ZNF141: variants seen among roughly 807,000 people sequenced by gnomAD.
The protein encoded by ZNF141 is zinc finger protein 141.
A neutral mutation model predicts 11.3 loss-of-function variants in ZNF141; 7 were observed. That is an observed-to-expected ratio of 0.62 (90% confidence interval 0.35 to 1.16). ZNF141 has a LOEUF of 1.16. Ranked by LOEUF, ZNF141 falls within the 50% of genes most tolerant of loss-of-function variation. The pLI, the probability that ZNF141 is intolerant of heterozygous loss-of-function variation, is 0.02. For missense variants in ZNF141, 535 were observed against 554.0 expected (o/e 0.97, Z 0.34); for synonymous variants, 183 against 190.7 (o/e 0.96, Z 0.33).
At chr4:338,434 T>C (rs750598903) in intron 1 of ZNF141, 80 of 165,724 alleles carry the variant, frequency 4.8e-4, no homozygotes, top group Non-Finnish European at 9.7e-4. Context: ...GTTTGGGGGC[T>C]GCCAGCGGGT....
chr4:357,428 A>T (rs1721895476), intron 3 of ZNF141, among the ~76,000 whole-genome samples: 1 of 151,952 alleles, frequency 6.6e-6, no homozygotes, highest in Non-Finnish European at 1.5e-5. Flanking sequence ...CAAAAAAAAA[A>T]AAAAAAGAAT....
chr4:369,914 A>G (rs968530943), intron 3 of ZNF141, among the ~76,000 whole-genome samples: 3 of 150,376 alleles, frequency 2.0e-5, no homozygotes, highest in African/African-American at 7.3e-5. Flanking sequence ...CTACAGGCAC[A>G]CGCCACCATG....
intron 3 of ZNF141, among the ~76,000 whole-genome samples, chr4:368,853 G>T (rs1553853183): frequency 6.6e-6 from 1 of 152,062 alleles, no homozygotes; most frequent in African/African-American, 2.4e-5. Flanking sequence ...GTGCTTCATT[G>T]TTTCTTGAAA....
At chr4:349,526 G>A (rs1721492291) in intron 3 of ZNF141, among the ~76,000 whole-genome samples, 1 of 152,056 alleles carries the variant, frequency 6.6e-6, no homozygotes, top group African/African-American at 2.4e-5. Flanking sequence ...CTGGAGGCAG[G>A]CCTGCAAGTC....
rs34509477 is a variant in ZNF141 at position 369,764 on chromosome 4, A to ATTTTTTT, written c.227-2886_227-2880dup. On this transcript the variant is annotated intron_variant, in intron 3 of 3. Coordinates refer to ENST00000240499, the MANE Select transcript of ZNF141 (RefSeq NM_003441.4). ...TATATATATATATATATATATATAT[A>ATTTTTTT]TTTTTTTTTTTTTTTTTTTTGAGAG... Among the ~76,000 whole-genome samples the ATTTTTTT allele has an allele frequency of 1.8e-4, 9 of 48,724 alleles. 1 individual carries two copies. The highest frequency in any genetic ancestry group is 1.4e-3 in the African/African-American group (8 of 5,882). 32.0% of individuals were successfully genotyped at this position (48,724 alleles called of 152,430 possible). A position where few individuals can be genotyped will look rare whatever the true frequency, so the allele number is the denominator to read the frequency against.
Position 343,814 on chromosome 4 carries a change from A to G in ZNF141, c.36A>G (p.Glu12=). 1 of 1,604,300 alleles carries G rather than the reference A, an allele frequency of 6.2e-7. No individual in the cohort carries two copies. Among genetic ancestry groups the G allele is most frequent in the Non-Finnish European group, 8.5e-7 (1 of 1,177,740 alleles). Residue 12 remains glutamate, a synonymous_variant, in exon 2 of 4, where the codon GAA becomes GAG. Coordinates refer to ENST00000240499, the MANE Select transcript of ZNF141 (RefSeq NM_003441.4). ...ELLTFRDVAI[E]FSPEEWKCLD... ...TAACATTCAGGGATGTGGCCATAGA[A>G]TTCTCTCCAGAAGAGTGGAAATGCC...
In ZNF141 at chr4:373,521, A is replaced by G; in HGVS notation, c.1084A>G (p.Thr362Ala). 1 of 1,613,998 alleles carries G rather than the reference A, an allele frequency of 6.2e-7. No individual in the cohort carries two copies. Among genetic ancestry groups the G allele is most frequent in the Non-Finnish European group, 8.5e-7 (1 of 1,179,928 alleles). The change falls in exon 4 of 4, where the codon ACT becomes GCT. Residue 362 changes from threonine to alanine, a missense_variant. Coordinates refer to ENST00000240499, the MANE Select transcript of ZNF141 (RefSeq NM_003441.4). ...SKLNEHKKVH[T>A]GERPYKCDEC... is the part of the protein sequence containing the mutation. ...ACTGAATGAACATAAGAAAGTTCAT[A>G]CTGGAGAGCGGCCCTACAAATGTGA...
intron 3 of ZNF141, among the ~76,000 whole-genome samples, chr4:357,580 AC>A (rs1483565056): frequency 6.6e-6 from 1 of 152,216 alleles, no homozygotes; most frequent in African/African-American, 2.4e-5. Context: ...AAGACATTAT[AC>A]CTTTACACAA....
chr4:344,498 T>G, intron 3 of ZNF141, 68 bp downstream of exon 3: 1 of 1,437,910 alleles, frequency 7.0e-7, no homozygotes, highest in African/African-American at 1.4e-5. Flanking sequence ...AAGCCAGGCC[T>G]TAAAATGTGG....
chr4:355,105 C>T (rs1274442382), intron 3 of ZNF141, among the ~76,000 whole-genome samples: 2 of 151,066 alleles, frequency 1.3e-5, no homozygotes, highest in African/African-American at 2.4e-5. Context: ...TATTTTTAAT[C>T]GTTATATTCT....
chr4:346,894 C>CACACACACACACACACA (rs1553849669), intron 3 of ZNF141, among the ~76,000 whole-genome samples: 2 of 81,406 alleles, frequency 2.5e-5, no homozygotes, highest in South Asian at 7.3e-4. Flanking sequence ...CACACACACA[C>CACACACACACACACACA]CGCCCCCCCC....
intron 3 of ZNF141, among the ~76,000 whole-genome samples, chr4:369,764 A>ATATATATTT: frequency 2.1e-4 from 10 of 48,724 alleles, no homozygotes; most frequent in African/African-American, 1.5e-3. Context: ...ATATATATAT[A>ATATATATTT]TTTTTTTTTT....
intron 3 of ZNF141, 91 bp downstream of exon 3, chr4:344,521 T>G: frequency 9.1e-7 from 1 of 1,104,744 alleles, no homozygotes; most frequent in Non-Finnish European, 1.3e-6. Context: ...TGGGGCCGGG[T>G]GCAGTGGCTC....
intron 3 of ZNF141, among the ~76,000 whole-genome samples, chr4:367,053 G>A (rs1183248254): frequency 2.0e-5 from 3 of 152,192 alleles, no homozygotes; most frequent in African/African-American, 7.2e-5. Context: ...TAGATCATAT[G>A]TACCTCAATA....
intron 3 of ZNF141, among the ~76,000 whole-genome samples, chr4:367,954 G>A (rs1182226778): frequency 2.0e-5 from 3 of 151,930 alleles, no homozygotes; most frequent in African/African-American, 2.4e-5. Flanking sequence ...ATATTATATC[G>A]ATATTCTTAT....
rs539571715 is a variant in ZNF141, at chr4:362,553, G to C, written c.227-10111G>C. On this transcript the variant is annotated intron_variant, in intron 3 of 3. Coordinates refer to ENST00000240499, the MANE Select transcript of ZNF141 (RefSeq NM_003441.4). ...TTTAATCCATCTTGAATTAATTTTT[G>C]TATAAGGCGTAAGGAAGGGATCCAA... Among the ~76,000 whole-genome samples the C allele has an allele frequency of 7.2e-5, 11 of 152,282 alleles. 1 individual carries two copies. In the South Asian group the frequency reaches 2.1e-3, roughly 29 times the overall value.
At chr4:365,448 G>T (rs782748161) in intron 3 of ZNF141, among the ~76,000 whole-genome samples, 1 of 152,160 alleles carries the variant, frequency 6.6e-6, no homozygotes, top group Non-Finnish European at 1.5e-5. Flanking sequence ...AACCAGAGCC[G>T]TTCCTATTCA....
At position 359,212 on chromosome 4, in the gene ZNF141, T is replaced by C. The variant is rs564243741; in HGVS notation, c.227-13452T>C. ...GTGAAGTTAATGCTTGGCAGACCTG[T>C]TATTTAAGCATCAGACAGTTGAGGA... is the stretch of plus-strand genomic sequence containing the variant. On this transcript the variant is annotated intron_variant, in intron 3 of 3. Coordinates refer to ENST00000240499, the MANE Select transcript of ZNF141 (RefSeq NM_003441.4). Among the ~76,000 whole-genome samples, 7 of 152,336 alleles carry C rather than the reference T, an allele frequency of 4.6e-5. No individual in the cohort carries two copies. The South Asian group carries it at 1.4e-3, about 32-fold the overall frequency.
At chr4:357,111 A>G (rs991454520) in intron 3 of ZNF141, among the ~76,000 whole-genome samples, 31 of 152,232 alleles carry the variant, frequency 2.0e-4, no homozygotes, top group African/African-American at 7.0e-4. Context: ...ACATGCCACC[A>G]TATTCAGCTA....
Sources: allele counts gnomAD v4.1 joint callset (sites outside exome capture counted in the v4.1 genomes callset), GRCh38; gene constraint gnomAD v4.1.1; transcripts MANE v1.5; gene names NCBI Gene and HGNC (gene_info 2026-07-23, HGNC 2026-07-21).